The following DTNA variants were observed in gnomAD, a reference collection of about 807,000 sequenced individuals.
DTNA encodes dystrophin-related protein 3.
DTNA carries 43 observed loss-of-function variants against 100.7 expected under a neutral mutation model. That is an observed-to-expected ratio of 0.43 (90% CI 0.33 to 0.55). The LOEUF (loss-of-function observed/expected upper bound fraction) is 0.55. Ranked by LOEUF, DTNA falls within the 20% of genes least tolerant of loss-of-function variation. The pLI is 0.04. For missense variants in DTNA, 798 were observed against 953.9 expected (o/e 0.84, Z 2.15); for synonymous variants, 349 against 347.9 (o/e 1.00, Z -0.04).
intron 1 of DTNA, among the ~76,000 whole-genome samples, chr18:34,514,617 G>C (rs958106858): frequency 6.6e-5 from 10 of 152,044 alleles, no homozygotes; most frequent in Non-Finnish European, 1.2e-4. Flanking sequence ...ATAAGCTGGT[G>C]GCTAAGGAAG....
intron 11 of DTNA, among the ~76,000 whole-genome samples, chr18:34,833,027 G>T (rs1261041516): frequency 1.3e-5 from 2 of 151,974 alleles, no homozygotes; most frequent in Non-Finnish European, 2.9e-5. Flanking sequence ...TTCTTAATTT[G>T]CTATATTTCA....
upstream of DTNA, among the ~76,000 whole-genome samples, chr18:34,706,598 G>C (rs1600534346): frequency 1.3e-5 from 2 of 152,148 alleles, no homozygotes; most frequent in South Asian, 4.2e-4. Context: ...GTAAGATATG[G>C]AGCCATCAAT....
chr18:34,781,096 T>G (rs2094299370), intron 3 of DTNA, among the ~76,000 whole-genome samples: 1 of 152,294 alleles, frequency 6.6e-6, no homozygotes, highest in African/African-American at 2.4e-5. Flanking sequence ...CTGGTTAAAA[T>G]CTGTGTGGTA....
At position 34,890,818 on chromosome 18, in the gene DTNA, G is replaced by T. The variant is rs1414087839; in HGVS notation, c.*3084G>T. ...AACTGAATTGCATTAAGAGTGTGTG[G>T]CCTTTGTTGTGATATACTATGTATT... On this transcript the variant is annotated 3_prime_UTR_variant, in exon 23 of 23. Coordinates refer to ENST00000444659, the MANE Select transcript of DTNA (RefSeq NM_001386795.1). 4.7e-6 allele frequency: 1 copy of T among 211,062 alleles called. No individual in the cohort carries two copies. The highest frequency in any genetic ancestry group is 9.5e-6 in the Non-Finnish European group (1 of 104,766). 13.1% of individuals were successfully genotyped at this position (211,062 alleles called of 1,614,324 possible). A position where few individuals can be genotyped will look rare whatever the true frequency, so the allele number is the denominator to read the frequency against.
chr18:34,496,614 G>A (rs1013257245), intron 1 of DTNA, among the ~76,000 whole-genome samples: 5 of 152,066 alleles, frequency 3.3e-5, no homozygotes, highest in African/African-American at 9.7e-5. Context: ...GCAGGAGTGG[G>A]GCTCAATAGT....
At chr18:34,556,011 C>G (rs1458878145) in intron 1 of DTNA, among the ~76,000 whole-genome samples, 2 of 150,280 alleles carry the variant, frequency 1.3e-5, no homozygotes, top group African/African-American at 4.9e-5. Flanking sequence ...GTCTAAGTCT[C>G]TTTGTAGGTC....
In DTNA at chr18:34,738,480, T is replaced by C. The variant is rs1481379369; in HGVS notation, c.-1-17496T>C. Among the ~76,000 whole-genome samples, 3 of 145,544 alleles carry C rather than the reference T, an allele frequency of 2.1e-5. No homozygotes were observed. In the East Asian group the frequency reaches 5.8e-4, roughly 28 times the overall value. ...TTAAAACAAAGATGCCCATATTGGC[T>C]TTTTGCCATTTAAAACATGATTTAC... On this transcript the variant is annotated intron_variant, in intron 1 of 22. Transcript: ENST00000444659.
At chr18:34,786,398 C>A (rs192318292) in intron 3 of DTNA, among the ~76,000 whole-genome samples, 1 of 152,012 alleles carries the variant, frequency 6.6e-6, no homozygotes, top group East Asian at 1.9e-4. Flanking sequence ...AAATTCATGC[C>A]GGGAATATTG....
chr18:34,589,400 G>A (rs1003251664), intron 1 of DTNA, among the ~76,000 whole-genome samples: 5 of 151,826 alleles, frequency 3.3e-5, no homozygotes, highest in African/African-American at 1.2e-4. Context: ...TGAGGTCAGG[G>A]GATCGAGACC....
At chr18:34,617,150 G>A (rs1289841851) in intron 1 of DTNA, among the ~76,000 whole-genome samples, 3 of 152,116 alleles carry the variant, frequency 2.0e-5, no homozygotes, top group Non-Finnish European at 4.4e-5. Context: ...GGGATTTCCA[G>A]TACTATGCTG....
At chr18:34,612,815 A>G (rs548418259) in intron 1 of DTNA, among the ~76,000 whole-genome samples, 1 of 152,310 alleles carries the variant, frequency 6.6e-6, no homozygotes, top group African/African-American at 2.4e-5. Context: ...ATTAATCTAA[A>G]TGAAGATACT....
At position 34,890,032 on chromosome 18, in the gene DTNA, G is replaced by A. The variant is rs927678867; in HGVS notation, c.*2298G>A. On this transcript the variant is annotated 3_prime_UTR_variant, in exon 23 of 23. Transcript: ENST00000444659. ...TCAAAATCATAGCCAGGTAGTTCTT[G>A]AACTCAGAACTTAAATCCTGCACGT... is the stretch of plus-strand genomic sequence containing the variant. 3 of 1,278,746 alleles carry A rather than the reference G, an allele frequency of 2.3e-6. No homozygotes were observed. The highest frequency in any genetic ancestry group is 3.0e-5 in the African/African-American group (2 of 66,390). The allele number at this position is 1,278,746 out of a possible 1,614,324, so 79.2% of individuals were successfully genotyped here. A position where few individuals can be genotyped will look rare whatever the true frequency, so the allele number is the denominator to read the frequency against.
chr18:34,560,903 C>A (rs2046574284), intron 1 of DTNA, among the ~76,000 whole-genome samples: 1 of 152,152 alleles, frequency 6.6e-6, no homozygotes, highest in South Asian at 2.1e-4. Flanking sequence ...GCCTGGGTGA[C>A]AGAGGGAGAC....
intron 15 of DTNA, among the ~76,000 whole-genome samples, chr18:34,857,281 G>C (rs1230786239): frequency 1.3e-5 from 2 of 152,166 alleles, no homozygotes; most frequent in African/African-American, 4.8e-5. Context: ...CCTGATTCTG[G>C]GGGCTTTGCG....
chr18:34,714,150 G>A (rs978897245), intron 1 of DTNA, among the ~76,000 whole-genome samples: 2 of 151,978 alleles, frequency 1.3e-5, no homozygotes, highest in East Asian at 1.9e-4. Context: ...CCTAGGCATT[G>A]CCATTCAGGA....
At chr18:34,620,444 AC>A (rs1393330704) in intron 1 of DTNA, among the ~76,000 whole-genome samples, 1 of 152,220 alleles carries the variant, frequency 6.6e-6, no homozygotes. Flanking sequence ...AATCTCTAGA[AC>A]AGGTATTTGT....
chr18:34,681,727 CACA>C (rs1568206066), intron 1 of DTNA, among the ~76,000 whole-genome samples: 41 of 149,960 alleles, frequency 2.7e-4, no homozygotes, highest in African/African-American at 6.0e-4. Context: ...CACACACACA[CACA>C]CCCCACACAC....
At chr18:34,876,101 T>C (rs2096814581) in intron 18 of DTNA, among the ~76,000 whole-genome samples, 1 of 152,238 alleles carries the variant, frequency 6.6e-6, no homozygotes, top group South Asian at 2.1e-4. Flanking sequence ...AAGTAACCAC[T>C]ATTAACAGTT....
chr18:34,561,419 C>G (rs988298814), intron 1 of DTNA, among the ~76,000 whole-genome samples: 3 of 152,040 alleles, frequency 2.0e-5, no homozygotes, highest in Non-Finnish European at 4.4e-5. Flanking sequence ...AAAGATTATA[C>G]TGTTAGACTT....
Sources: gnomAD v4.1 joint callset for allele counts (sites outside exome capture counted in the v4.1 genomes callset) on GRCh38, gnomAD v4.1.1 for gene constraint, MANE v1.5 for transcripts, NCBI Gene and HGNC (gene_info 2026-07-23, HGNC 2026-07-21) for gene names.